The following MARCHF1 variants were observed in gnomAD, a reference collection of about 807,000 sequenced individuals.
The protein encoded by MARCHF1 is E3 ubiquitin-protein ligase MARCHF1.
In MARCHF1, 40 loss-of-function variants were observed where a neutral mutation model predicts 54.2. That is an observed-to-expected ratio of 0.74 (90% CI 0.57 to 0.96). The LOEUF is 0.96. MARCHF1 is among the 40% of genes least tolerant of loss of function. The pLI, the probability that MARCHF1 is intolerant of heterozygous loss-of-function variation, is 0.00. For synonymous variants in MARCHF1, 236 were observed against 236.3 expected, an observed-to-expected ratio of 1.00 and a Z score of 0.01; for missense variants, 586 against 656.5, an observed-to-expected ratio of 0.89 and a Z score of 1.17.
chr4:163,602,005 GA>G lies in MARCHF1; in HGVS notation c.1010+10265del, dbSNP rs539975329. Among the ~76,000 whole-genome samples the G allele has an allele frequency of 3.4e-4, 48 of 140,698 alleles. 1 individual carries two copies. The highest frequency in any genetic ancestry group is 7.5e-4 in the African/African-American group (29 of 38,470). 92.3% of individuals were successfully genotyped at this position (140,698 alleles called of 152,430 possible). A position where few individuals can be genotyped will look rare whatever the true frequency, so the allele number is the denominator to read the frequency against. ...TTAGCTCCCAAACTGAAAACAATCA[GA>G]AAAAAAAAACTGCTAAGAACAAGGC... On this transcript the variant is annotated intron_variant, in intron 7 of 9. Transcript: ENST00000514618.
intron 1 of MARCHF1, among the ~76,000 whole-genome samples, chr4:164,114,735 A>C (rs1251777100): frequency 6.6e-6 from 1 of 151,772 alleles, no homozygotes. Flanking sequence ...AAAAATGGGA[A>C]ACTACACACA....
chr4:164,256,976 G>A (rs554085166), intron 1 of MARCHF1, among the ~76,000 whole-genome samples: 14 of 152,244 alleles, frequency 9.2e-5, no homozygotes, highest in African/African-American at 3.1e-4. Context: ...ACAAATTATA[G>A]TAGTATAATT....
At chr4:163,596,862 T>G (rs1740792341) in intron 7 of MARCHF1, among the ~76,000 whole-genome samples, 1 of 152,224 alleles carries the variant, frequency 6.6e-6, no homozygotes, top group South Asian at 2.1e-4. Flanking sequence ...TGCACCAATC[T>G]AATAAAATGT....
intron 1 of MARCHF1, among the ~76,000 whole-genome samples, chr4:164,176,443 A>G (rs535740034): frequency 6.6e-6 from 1 of 152,292 alleles, no homozygotes; most frequent in South Asian, 2.1e-4. Flanking sequence ...ACTGATGCAT[A>G]TCACAAGGGA....
In MARCHF1 at chr4:164,383,962, G is replaced by T. The variant is rs972219722; in HGVS notation, c.-415C>A. ...TTCTCCCATCCTTTGTCAGTTGCGG[G>T]TGGAGCGCTCCTCCCCAGCTAGCGG... On this transcript the variant is annotated 5_prime_UTR_variant, in exon 1 of 10. Coordinates refer to ENST00000514618, the MANE Select transcript of MARCHF1 (RefSeq NM_001394959.1). 10 of 152,206 alleles carry T rather than the reference G, an allele frequency of 6.6e-5. No individual in the cohort carries two copies. The highest frequency in any genetic ancestry group is 1.2e-4 in the Non-Finnish European group (8 of 68,084). 9.4% of individuals were successfully genotyped at this position (152,206 alleles called of 1,614,324 possible).
intron 4 of MARCHF1, among the ~76,000 whole-genome samples, chr4:163,837,317 A>AC (rs1198420874): frequency 5.3e-5 from 8 of 152,168 alleles, no homozygotes; most frequent in African/African-American, 1.4e-4. Flanking sequence ...CAGCTGCAAT[A>AC]CAAAAAAAAA....
chr4:163,997,167 G>T (rs4691949), intron 2 of MARCHF1, among the ~76,000 whole-genome samples: 145,711 of 151,968 alleles, frequency 0.96, 70,156 homozygotes, highest in East Asian at 1. Flanking sequence ...GCAGAGAAAA[G>T]CAAAGCCTCA....
At chr4:163,606,127 C>A (rs367825826) in intron 7 of MARCHF1, among the ~76,000 whole-genome samples, 9 of 152,116 alleles carry the variant, frequency 5.9e-5, no homozygotes, top group African/African-American at 1.2e-4. Flanking sequence ...TCCTCAAACT[C>A]ACCATCCAAC....
chr4:163,813,879 A>G (rs1312076404), intron 4 of MARCHF1, among the ~76,000 whole-genome samples: 1 of 152,130 alleles, frequency 6.6e-6, no homozygotes, highest in African/African-American at 2.4e-5. Flanking sequence ...CCAGGGTCTA[A>G]AACCCCTCAT....
chr4:164,257,528 C>T (rs1473018889), intron 1 of MARCHF1, among the ~76,000 whole-genome samples: 1 of 151,302 alleles, frequency 6.6e-6, no homozygotes, highest in Non-Finnish European at 1.5e-5. Flanking sequence ...TATCTATTAA[C>T]TAGCTATAAG....
chr4:164,167,530 T>C (rs1350876949), intron 1 of MARCHF1, among the ~76,000 whole-genome samples: 1 of 151,690 alleles, frequency 6.6e-6, no homozygotes, highest in Non-Finnish European at 1.5e-5. Flanking sequence ...TTCCAAATTA[T>C]ATTACAAAGC....
intron 1 of MARCHF1, among the ~76,000 whole-genome samples, chr4:164,273,528 A>AT (rs1475071307): frequency 6.6e-6 from 1 of 152,180 alleles, no homozygotes; most frequent in Non-Finnish European, 1.5e-5. Context: ...TTTTTATAGG[A>AT]TTTTTACTAA....
intron 5 of MARCHF1, among the ~76,000 whole-genome samples, chr4:163,672,345 C>T (rs1360049981): frequency 5.3e-5 from 8 of 151,880 alleles, no homozygotes; most frequent in South Asian, 2.1e-4. Context: ...CATGTCATGG[C>T]GGGGAGTAAA....
At chr4:163,760,380 A>T (rs1332337128) in intron 4 of MARCHF1, among the ~76,000 whole-genome samples, 1 of 152,224 alleles carries the variant, frequency 6.6e-6, no homozygotes, top group Admixed American at 6.5e-5. Flanking sequence ...TTGCCATAAG[A>T]TAACACAGTC....
At chr4:164,073,977 G>T (rs550035315) in intron 2 of MARCHF1, among the ~76,000 whole-genome samples, 4 of 151,832 alleles carry the variant, frequency 2.6e-5, no homozygotes, top group African/African-American at 7.3e-5. Context: ...GCTAATTTTC[G>T]TTATTTTTAG....
chr4:164,333,584 TTCTGATTAC>T (rs1378537607), intron 1 of MARCHF1, among the ~76,000 whole-genome samples: 2 of 152,234 alleles, frequency 1.3e-5, no homozygotes, highest in Non-Finnish European at 2.9e-5. Context: ...GACATGTCTA[TTCTGATTAC>T]TCTGACTATT....
chr4:163,949,037 G>A (rs1448480066), intron 3 of MARCHF1, among the ~76,000 whole-genome samples: 6 of 152,202 alleles, frequency 3.9e-5, no homozygotes, highest in African/African-American at 4.8e-5. Flanking sequence ...ACCTTTGCCC[G>A]TGTTTTGCTT....
chr4:163,658,298 A>G lies in MARCHF1; in HGVS notation c.162+42515T>C, dbSNP rs143629866. 2.4e-3 allele frequency among the ~76,000 whole-genome samples: 363 copies of G among 152,188 alleles called. 2 individuals carry two copies. The highest frequency in any genetic ancestry group is 8.4e-3 in the African/African-American group (351 of 41,554). On this transcript the variant is annotated intron_variant, in intron 5 of 9. Coordinates refer to ENST00000514618, the MANE Select transcript of MARCHF1 (RefSeq NM_001394959.1). The stretch of plus-strand genomic sequence containing the variant: ...ACATTCATGCAGCCAATAAACGTGA[A>G]AAAAAGCTCAATGTCATAAAAGATC...
intron 4 of MARCHF1, among the ~76,000 whole-genome samples, chr4:163,764,300 G>A (rs985283038): frequency 2.0e-5 from 3 of 152,034 alleles, no homozygotes. Context: ...AGACAGAAGA[G>A]CCATTTAATA....
Sources: allele counts gnomAD v4.1 joint callset (sites outside exome capture counted in the v4.1 genomes callset), GRCh38; gene constraint gnomAD v4.1.1; transcripts MANE v1.5; gene names NCBI Gene and HGNC (gene_info 2026-07-23, HGNC 2026-07-21).